Variants in ZBTB26 observed in about 807,000 individuals in gnomAD.
The protein encoded by ZBTB26 is zinc finger and BTB domain containing 26.
ZBTB26 carries 12 observed loss-of-function variants against 31.6 expected under a neutral mutation model. The observed-to-expected ratio is 0.38, with a 90% CI of 0.24 to 0.61. The LOEUF (loss-of-function observed/expected upper bound fraction) is 0.61, where lower values mean the gene tolerates loss of function less well. Among genes scored for constraint, ZBTB26 ranks in the 20% least tolerant of loss-of-function variants. The pLI, the probability that ZBTB26 is intolerant of heterozygous loss-of-function variation, is 0.60. For missense variants in ZBTB26, 311 were observed against 521.9 expected (o/e 0.60, Z 3.94); for synonymous variants, 155 against 182.9 (o/e 0.85, Z 1.23).
In ZBTB26 at chr9:122,918,612, A is replaced by G. The variant is rs1833050474; in HGVS notation, c.1323T>C (p.Asn441=). The G allele has an allele frequency of 6.2e-7, 1 of 1,610,478 alleles. No homozygotes were observed. The highest frequency in any genetic ancestry group is 8.5e-7 in the Non-Finnish European group (1 of 1,178,282). Residue 441 remains asparagine (N), a synonymous_variant, in exon 2 of 2, where the codon AAT becomes AAC. Coordinates refer to ENST00000373656, the MANE Select transcript of ZBTB26 (RefSeq NM_020924.4). ...LNLRNDSTCV[N] ...GTTGTGAGCATGAAGCCCCTACTCA[A>G]TTCACACAAGTACTATCATTTCTTA...
intron 1 of ZBTB26, among the ~76,000 whole-genome samples, chr9:122,927,415 C>T (rs10818763): frequency 0.23 from 34,706 of 152,030 alleles, 5,420 homozygotes; most frequent in East Asian, 0.65. Context: ...CTAATAACTA[C>T]TGGCAAGTAA....
chr9:122,930,404 C>T (rs1310806515), intron 1 of ZBTB26, among the ~76,000 whole-genome samples: 1 of 152,144 alleles, frequency 6.6e-6, no homozygotes, highest in African/African-American at 2.4e-5. Flanking sequence ...ACCATTATAA[C>T]TTATTTCAGG....
At chr9:122,925,924 C>A (rs1455073047) in intron 1 of ZBTB26, among the ~76,000 whole-genome samples, 2 of 152,052 alleles carry the variant, frequency 1.3e-5, no homozygotes, top group Non-Finnish European at 2.9e-5. Flanking sequence ...CCACGCCTGG[C>A]TAATTTTGTA....
intron 1 of ZBTB26, among the ~76,000 whole-genome samples, chr9:122,922,268 ACAC>A (rs1164357652): frequency 6.6e-6 from 1 of 152,038 alleles, no homozygotes; most frequent in Non-Finnish European, 1.5e-5. Flanking sequence ...ACAAACAAAA[ACAC>A]CACTTTCTAA....
At chr9:122,929,614 AG>A (rs1833234956) in intron 1 of ZBTB26, among the ~76,000 whole-genome samples, 1 of 152,256 alleles carries the variant, frequency 6.6e-6, no homozygotes, top group South Asian at 2.1e-4. Context: ...AGCTTAGAAC[AG>A]TGTCTGGTAT....
rs1276071031 is a variant in ZBTB26 at position 122,918,412 on chromosome 9, A to C, written c.*197T>G. 1 of 673,664 alleles carries C rather than the reference A, an allele frequency of 1.5e-6. No homozygotes were observed. The highest frequency in any genetic ancestry group is 1.8e-5 in the African/African-American group (1 of 55,128). 41.7% of individuals were successfully genotyped at this position (673,664 alleles called of 1,614,324 possible). ...AGACTTTACAAGATAAATAACTCAA[A>C]ACAGAAAATGGGAGAGGGCAAAAGT... is the stretch of plus-strand genomic sequence containing the variant. On this transcript the variant is annotated 3_prime_UTR_variant, in exon 2 of 2. Coordinates refer to ENST00000373656, the MANE Select transcript of ZBTB26 (RefSeq NM_020924.4).
rs1159318515 is a variant in ZBTB26 at position 122,919,262 on chromosome 9, C to T, written c.673G>A (p.Val225Met). The change falls in exon 2 of 2, where the codon GTG becomes ATG. Residue 225 changes from valine (V) to methionine (M), a missense_variant. Coordinates refer to ENST00000373656, the MANE Select transcript of ZBTB26 (RefSeq NM_020924.4). This position sits in a 1 kb window ranked among gnomAD's most constrained non-coding sequence, Gnocchi z 6.1. ...EPQHSLINST[V>M]ENRVSEIEQN... ...TCTATTTCACTTACTCTGTTTTCCA[C>T]AGTTGAATTTATCAGGGAGTGCTGG... 6 of 1,614,086 alleles carry T rather than the reference C, an allele frequency of 3.7e-6. No homozygotes were observed. The highest frequency in any genetic ancestry group is 4.2e-6 in the Non-Finnish European group (5 of 1,180,046).
chr9:122,920,778 G>A lies in ZBTB26; in HGVS notation c.-10-834C>T, dbSNP rs746712325. Among the ~76,000 whole-genome samples, 6 of 152,254 alleles carry A rather than the reference G, an allele frequency of 3.9e-5. No individual in the cohort carries two copies. In the South Asian group the frequency reaches 8.3e-4, roughly 21 times the overall value. Reference sequence around the variant, plus strand: ...GCTATATGGTGGGAATCTGAGTAGCGGTAACATAGATCGAATCAATCCCTA... The same window carrying A: ...GCTATATGGTGGGAATCTGAGTAGCAGTAACATAGATCGAATCAATCCCTA... On this transcript the variant is annotated intron_variant, in intron 1 of 1. Transcript: ENST00000373656.
chr9:122,919,522 C>T lies in ZBTB26; in HGVS notation c.413G>A (p.Gly138Glu). The change falls in exon 2 of 2, where the codon GGA becomes GAA. Residue 138 changes from glycine to glutamate, a missense_variant. Coordinates refer to ENST00000373656, the MANE Select transcript of ZBTB26 (RefSeq NM_020924.4). This position sits in a 1 kb window ranked among gnomAD's most constrained non-coding sequence, Gnocchi z 6.1. ...KPKQPMDSKE[G>E]CEPQSASPQS... ...GGGAGAAGCACTCTGTGGTTCACAT[C>T]CCTCTTTACTATCCATTGGTTGTTT... is the stretch of plus-strand genomic sequence containing the variant. The T allele has an allele frequency of 6.2e-7, 1 of 1,614,172 alleles. No individual in the cohort carries two copies. Among genetic ancestry groups the T allele is most frequent in the Non-Finnish European group, 8.5e-7 (1 of 1,180,036 alleles).
In ZBTB26 at chr9:122,917,230, A is replaced by G. The variant is rs185354088; in HGVS notation, c.*1379T>C. On this transcript the variant is annotated 3_prime_UTR_variant, in exon 2 of 2. Coordinates refer to ENST00000373656, the MANE Select transcript of ZBTB26 (RefSeq NM_020924.4). ...TCATGTACTAAATCTTTTAAAGCCA[A>G]GGGATAGCGAGAAGAAGGAAGAAGA... 2.4e-4 allele frequency: 36 copies of G among 152,340 alleles called. No homozygotes were observed. The highest frequency in any genetic ancestry group is 2.2e-3 in the Admixed American group (34 of 15,304). 9.4% of individuals were successfully genotyped at this position (152,340 alleles called of 1,614,324 possible). A position where few individuals can be genotyped will look rare whatever the true frequency, so the allele number is the denominator to read the frequency against.
rs978528313 is a variant in ZBTB26 at position 122,916,901 on chromosome 9, A to G, written c.*1708T>C. 1 of 152,210 alleles carries G rather than the reference A, an allele frequency of 6.6e-6. No homozygotes were observed. Among genetic ancestry groups the G allele is most frequent in the Non-Finnish European group, 1.5e-5 (1 of 68,036 alleles). 9.4% of individuals were successfully genotyped at this position (152,210 alleles called of 1,614,324 possible). A position where few individuals can be genotyped will look rare whatever the true frequency, so the allele number is the denominator to read the frequency against. On this transcript the variant is annotated 3_prime_UTR_variant, in exon 2 of 2. Coordinates refer to ENST00000373656, the MANE Select transcript of ZBTB26 (RefSeq NM_020924.4). ...TGCAAGCCTAATTTTTCAAATCTGCATGCACTCTCATAGCTCAAAAATAAA... is the reference window on the plus strand; with the variant it reads ...TGCAAGCCTAATTTTTCAAATCTGCGTGCACTCTCATAGCTCAAAAATAAA...
chr9:122,920,777 C>T (rs570255856), intron 1 of ZBTB26, among the ~76,000 whole-genome samples: 61 of 152,278 alleles, frequency 4.0e-4, no homozygotes, highest in African/African-American at 1.1e-3. Context: ...ATCTGAGTAG[C>T]GGTAACATAG....
intron 1 of ZBTB26, among the ~76,000 whole-genome samples, chr9:122,921,069 A>C (rs1233332518): frequency 6.6e-6 from 1 of 152,212 alleles, no homozygotes; most frequent in African/African-American, 2.4e-5. Flanking sequence ...AATTAAGGTA[A>C]ACACTGGAAA....
At chr9:122,925,940 A>G (rs1335067629) in intron 1 of ZBTB26, among the ~76,000 whole-genome samples, 13 of 151,922 alleles carry the variant, frequency 8.6e-5, no homozygotes, top group Non-Finnish European at 2.9e-5. Flanking sequence ...TTGTATTTTT[A>G]GTAGAGACGG....
In ZBTB26 at chr9:122,918,572, T is replaced by C. The variant is rs756389464; in HGVS notation, c.*37A>G. On this transcript the variant is annotated 3_prime_UTR_variant, in exon 2 of 2. Transcript: ENST00000373656. Reference sequence around the variant, plus strand: ...AAAAAGACTAAGACTATTGCCACATTGTCAGTCAGTTCGAGTTGTGAGCAT... The same window carrying C: ...AAAAAGACTAAGACTATTGCCACATCGTCAGTCAGTTCGAGTTGTGAGCAT... The C allele has an allele frequency of 1.3e-6, 2 of 1,581,382 alleles. No individual in the cohort carries two copies. Among genetic ancestry groups the C allele is most frequent in the East Asian group, 4.5e-5 (2 of 44,704 alleles).
At chr9:122,922,645 T>A (rs755443290) in intron 1 of ZBTB26, among the ~76,000 whole-genome samples, 2 of 152,208 alleles carry the variant, frequency 1.3e-5, no homozygotes, top group African/African-American at 4.8e-5. Flanking sequence ...TTTGCATTAG[T>A]TGAACCTATC....
chr9:122,918,521 G>A lies in ZBTB26; in HGVS notation c.*88C>T, dbSNP rs1833048216. On this transcript the variant is annotated 3_prime_UTR_variant, in exon 2 of 2. Transcript: ENST00000373656. ...CTACCACCTACACAGAGGCTTTGGAGAAGTCAAACTAGCAAAATCACTCCT... is the reference window on the plus strand; with the variant it reads ...CTACCACCTACACAGAGGCTTTGGAAAAGTCAAACTAGCAAAATCACTCCT... 6.6e-7 allele frequency: 1 copy of A among 1,523,408 alleles called. No homozygotes were observed. The highest frequency in any genetic ancestry group is 1.4e-5 in the African/African-American group (1 of 72,356). 94.4% of individuals were successfully genotyped at this position (1,523,408 alleles called of 1,614,324 possible).
rs750762437 is a variant in ZBTB26, at chr9:122,919,846, T to G, written c.89A>C (p.Asn30Thr). The change falls in exon 2 of 2, where the codon AAT becomes ACT. Residue 30 changes from asparagine to threonine, a missense_variant. This residue lies in a region of ZBTB26 where 25 missense variants were observed against 32.3 expected (regional missense o/e 0.77). Transcript: ENST00000373656. The surrounding 1 kb of genome is among the most constrained non-coding windows in gnomAD (Gnocchi z 6.1). Reference sequence around the variant, plus strand: ...GAGAACTGTAACATCACAAAATTTATTCTCTTCTCTTAATTTGTTCATTTT... The same window carrying G: ...GAGAACTGTAACATCACAAAATTTAGTCTCTTCTCTTAATTTGTTCATTTT... ...LQKMNKLREE[N>T]KFCDVTVLID... The G allele has an allele frequency of 1.9e-6, 3 of 1,613,506 alleles. No homozygotes were observed. The highest frequency in any genetic ancestry group is 2.5e-6 in the Non-Finnish European group (3 of 1,179,812).
chr9:122,924,598 A>G (rs191698082), intron 1 of ZBTB26, among the ~76,000 whole-genome samples: 17 of 148,662 alleles, frequency 1.1e-4, no homozygotes, highest in African/African-American at 4.0e-4. Context: ...TTTTGGCAAT[A>G]TAAAACCAAA....
Sources: allele counts gnomAD v4.1 joint callset (sites outside exome capture counted in the v4.1 genomes callset), GRCh38; gene constraint gnomAD v4.1.1; regional missense constraint gnomAD v4.1.1; non-coding constraint Gnocchi (gnomAD v3.1); transcripts MANE v1.5; gene names NCBI Gene and HGNC (gene_info 2026-07-23, HGNC 2026-07-21).